Variants in PDE7B observed in about 807,000 individuals in gnomAD.
PDE7B encodes the protein phosphodiesterase 7B.
In PDE7B, 29 loss-of-function variants were observed where a neutral mutation model predicts 56.2. The observed-to-expected ratio is 0.52, with a 90% CI of 0.38 to 0.70. The LOEUF (loss-of-function observed/expected upper bound fraction) is 0.70, where lower values mean the gene tolerates loss of function less well. Ranked by LOEUF, PDE7B falls within the 30% of genes least tolerant of loss-of-function variation. PDE7B has a pLI of 0.00. For synonymous variants in PDE7B, 197 were observed against 196.9 expected (o/e 1.00, Z 0.00); for missense variants, 490 against 565.0 (o/e 0.87, Z 1.35).
chr6:135,893,816 T>C (rs935084322), intron 1 of PDE7B, among the ~76,000 whole-genome samples: 8 of 152,200 alleles, frequency 5.3e-5, no homozygotes, highest in Admixed American at 5.2e-4. Flanking sequence ...GACAATATCT[T>C]CTTAATCCCA....
intron 2 of PDE7B, among the ~76,000 whole-genome samples, chr6:135,950,684 A>G (rs1774682957): frequency 6.6e-6 from 1 of 152,070 alleles, no homozygotes. Context: ...CTAGCTGTGT[A>G]CTGGTTTCAG....
intron 1 of PDE7B, among the ~76,000 whole-genome samples, chr6:135,886,441 T>C (rs575902191): frequency 9.2e-5 from 14 of 152,210 alleles, no homozygotes; most frequent in South Asian, 2.1e-4. Flanking sequence ...AGTTCTTTAG[T>C]AGTGATTTCT....
At chr6:136,006,942 T>G (rs986841320) in intron 2 of PDE7B, among the ~76,000 whole-genome samples, 3 of 152,202 alleles carry the variant, frequency 2.0e-5, no homozygotes, top group African/African-American at 7.2e-5. Flanking sequence ...CTTTCAATAC[T>G]ATGTTGAATA....
At chr6:136,149,321 GA>G (rs1172132190) in intron 5 of PDE7B, among the ~76,000 whole-genome samples, 171 bp downstream of exon 5, 6 of 152,160 alleles carry the variant, frequency 3.9e-5, no homozygotes, top group African/African-American at 1.4e-4. Flanking sequence ...CAACTCAGAT[GA>G]AAAATAAGGA....
At chr6:135,991,766 G>A (rs575481484) in intron 2 of PDE7B, among the ~76,000 whole-genome samples, 123 of 152,290 alleles carry the variant, frequency 8.1e-4, no homozygotes, top group Non-Finnish European at 1.5e-3. Context: ...AATGATGAGG[G>A]CCATCAGAGA....
intron 3 of PDE7B, among the ~76,000 whole-genome samples, chr6:136,121,701 G>T (rs903216451): frequency 7.9e-5 from 12 of 152,184 alleles, no homozygotes; most frequent in Non-Finnish European, 1.5e-4. Flanking sequence ...AGAAAGCACT[G>T]GACATTCTAG....
intron 2 of PDE7B, among the ~76,000 whole-genome samples, chr6:135,981,517 A>G (rs1775295765): frequency 6.6e-6 from 1 of 151,480 alleles, no homozygotes; most frequent in African/African-American, 2.4e-5. Flanking sequence ...AACATCAAAT[A>G]AAATTACTAC....
intron 2 of PDE7B, among the ~76,000 whole-genome samples, chr6:136,105,559 A>T (rs1210871377): frequency 1.3e-5 from 2 of 152,220 alleles, no homozygotes; most frequent in East Asian, 3.8e-4. Context: ...TCCTCAGCAC[A>T]GTATAAGTAT....
At chr6:136,142,973 G>A (rs1376457354) in intron 3 of PDE7B, among the ~76,000 whole-genome samples, 1 of 152,128 alleles carries the variant, frequency 6.6e-6, no homozygotes, top group Non-Finnish European at 1.5e-5. Context: ...ATTGTTATGT[G>A]TGAATTTGAT....
chr6:135,872,475 G>T (rs1025805179), intron 1 of PDE7B, among the ~76,000 whole-genome samples: 3 of 152,146 alleles, frequency 2.0e-5, no homozygotes, highest in African/African-American at 7.2e-5. Context: ...GAGCTTTGCA[G>T]TTTGTATAGC....
chr6:136,155,990 G>A, intron 8 of PDE7B: 2 of 650,968 alleles, frequency 3.1e-6, no homozygotes, highest in Non-Finnish European at 5.8e-6. Flanking sequence ...ATTAGCTCAT[G>A]TCGATACAAT....
intron 2 of PDE7B, among the ~76,000 whole-genome samples, chr6:135,978,156 T>C (rs767544362): frequency 3.9e-5 from 6 of 152,184 alleles, no homozygotes; most frequent in Non-Finnish European, 5.9e-5. Context: ...ACCCAGGCTA[T>C]GTGCTCTAGC....
chr6:136,173,153 C>G (rs1027653394), intron 8 of PDE7B, among the ~76,000 whole-genome samples: 1 of 152,180 alleles, frequency 6.6e-6, no homozygotes, highest in Non-Finnish European at 1.5e-5. Flanking sequence ...GAAAAAACTA[C>G]TTTAAAGTTC....
At chr6:136,054,836 T>G (rs972674287) in intron 2 of PDE7B, among the ~76,000 whole-genome samples, 1 of 152,156 alleles carries the variant, frequency 6.6e-6, no homozygotes, top group Non-Finnish European at 1.5e-5. Context: ...CAAAGGGACA[T>G]CTTACATGAT....
At chr6:136,139,117 C>T (rs1046983081) in intron 3 of PDE7B, among the ~76,000 whole-genome samples, 80 of 152,132 alleles carry the variant, frequency 5.3e-4, no homozygotes, top group African/African-American at 1.9e-3. Context: ...TATCCCTCCC[C>T]CTTCCCCCGA....
intron 1 of PDE7B, among the ~76,000 whole-genome samples, chr6:135,926,017 T>A (rs2128196147): frequency 6.8e-6 from 1 of 146,028 alleles, no homozygotes; most frequent in Non-Finnish European, 1.5e-5. Context: ...AAGTTTTACA[T>A]GACACTGTAG....
At chr6:136,155,236 T>C (rs1427121857) in intron 7 of PDE7B, among the ~76,000 whole-genome samples, 1 of 152,162 alleles carries the variant, frequency 6.6e-6, no homozygotes, top group African/African-American at 2.4e-5. Flanking sequence ...TTTAAGTAGG[T>C]CCATCATGTG....
At chr6:136,068,254 G>A (rs1201903376) in intron 2 of PDE7B, among the ~76,000 whole-genome samples, 3 of 152,080 alleles carry the variant, frequency 2.0e-5, no homozygotes, top group Admixed American at 2.0e-4. Flanking sequence ...GGTTCTGTCC[G>A]GAAAGGCAAG....
At chr6:136,186,895 G>A (rs1779153219) in intron 11 of PDE7B, 141 bp from the exon 12 acceptor site, 1 of 646,366 alleles carries the variant, frequency 1.5e-6, no homozygotes, top group Non-Finnish European at 2.7e-6. Context: ...AGTCGGTGCT[G>A]AAGGGTCCCT....
Sources: gnomAD v4.1 joint callset for allele counts (sites outside exome capture counted in the v4.1 genomes callset) on GRCh38, gnomAD v4.1.1 for gene constraint, MANE v1.5 for transcripts, NCBI Gene and HGNC (gene_info 2026-07-23, HGNC 2026-07-21) for gene names.